The following CFAP74 variants were observed in gnomAD, a reference collection of about 807,000 sequenced individuals.
CFAP74 encodes the protein cilia and flagella associated protein 74, also known as cilia- and flagella-associated protein 74.
Under a neutral mutation model 188.9 loss-of-function variants are expected in CFAP74, and 124 were observed. The observed-to-expected ratio is 0.66, with a 90% CI of 0.57 to 0.76. The LOEUF (loss-of-function observed/expected upper bound fraction) is 0.76, where lower values mean the gene tolerates loss of function less well. Among genes scored for constraint, CFAP74 ranks in the 30% least tolerant of loss-of-function variants. CFAP74 has a pLI of 0.00. For missense variants in CFAP74, 2,198 were observed against 2,165.2 expected (o/e 1.02, Z -0.30); for synonymous variants, 956 against 916.7 (o/e 1.04, Z -0.77).
chr1:1,972,547 CAAT>C (rs1374161758), intron 8 of CFAP74, among the ~76,000 whole-genome samples: 5 of 152,184 alleles, frequency 3.3e-5, no homozygotes, highest in Non-Finnish European at 5.9e-5. Flanking sequence ...GGTGGTGATT[CAAT>C]AATAAAATCA....
intron 22 of CFAP74, 38 bp downstream of exon 22, chr1:1,941,971 TCGGAGCCCACAACCTCCCA>T: frequency 1.4e-6 from 2 of 1,414,176 alleles, no homozygotes; most frequent in Non-Finnish European, 1.8e-6. Context: ...GAGGAGCGCC[TCGGAGCCCACAACCTCCCA>T]CGTCCTCCTG....
At chr1:1,996,610 G>A (rs970770417) in intron 1 of CFAP74, among the ~76,000 whole-genome samples, 2 of 152,124 alleles carry the variant, frequency 1.3e-5, no homozygotes, top group African/African-American at 4.8e-5. Flanking sequence ...TGGACTGGCA[G>A]TAACAGAAAG....
chr1:1,949,117 T>TCC (rs1460103393), intron 18 of CFAP74, among the ~76,000 whole-genome samples: 261 of 116,430 alleles, frequency 2.2e-3, no homozygotes, highest in Non-Finnish European at 3.1e-3. Flanking sequence ...TTCCTTTCCT[T>TCC]TCTTCCCTTC....
At position 1,921,970 on chromosome 1, in the gene CFAP74, A is replaced by C. The variant is rs555440917; in HGVS notation, c.*317T>G. On this transcript the variant is annotated 3_prime_UTR_variant, in exon 39 of 39. Coordinates refer to ENST00000682832, the MANE Select transcript of CFAP74 (RefSeq NM_001304360.2). Reference sequence around the variant, plus strand: ...GCAGGCTGCATGTGTTGGCCTACAAAAAATTTATTGACAGGCTGTGGAGGG... The same window carrying C: ...GCAGGCTGCATGTGTTGGCCTACAACAAATTTATTGACAGGCTGTGGAGGG... 1.9e-3 allele frequency: 639 copies of C among 343,504 alleles called. 15 individuals carry two copies. The South Asian group carries it at 0.022, about 12-fold the overall frequency. 21.3% of individuals were successfully genotyped at this position (343,504 alleles called of 1,614,324 possible). A position where few individuals can be genotyped will look rare whatever the true frequency, so the allele number is the denominator to read the frequency against.
Position 1,966,545 on chromosome 1 carries a change from A to C in CFAP74, c.1246-19T>G, listed in dbSNP as rs368393908. ...CGTAGTCCTGCAGTCGGGGAGAGGA[A>C]CATCGCAAAGACACGCTCATGACAG... On this transcript the variant is annotated intron_variant, in intron 11 of 38. Coordinates refer to ENST00000682832, the MANE Select transcript of CFAP74 (RefSeq NM_001304360.2). The C allele has an allele frequency of 1.3e-6, 2 of 1,512,468 alleles. No individual in the cohort carries two copies. Among genetic ancestry groups the C allele is most frequent in the Non-Finnish European group, 1.8e-6 (2 of 1,125,804 alleles). The allele number at this position is 1,512,468 out of a possible 1,614,324, so 93.7% of individuals were successfully genotyped here.
Position 1,925,828 on chromosome 1 carries a change from G to A in CFAP74, c.4059C>T (p.Asn1353=). Residue 1353 remains asparagine, a synonymous_variant, in exon 33 of 39, where the codon AAC becomes AAT. Coordinates refer to ENST00000682832, the MANE Select transcript of CFAP74 (RefSeq NM_001304360.2). The part of the protein sequence containing the change: ...ITCSIEGSVL[N]MGYVIAGESV... ...ACTCTCCGGCAATCACATAGCCCAT[G>A]TTGAGGACGCTGCCTTCAATGGAGC... 1.2e-6 allele frequency: 2 copies of A among 1,612,740 alleles called. No homozygotes were observed. The highest frequency in any genetic ancestry group is 1.7e-6 in the Non-Finnish European group (2 of 1,179,924).
chr1:1,980,936 T>G (rs1290943643), intron 6 of CFAP74, among the ~76,000 whole-genome samples: 1 of 152,242 alleles, frequency 6.6e-6, no homozygotes, highest in Middle Eastern at 3.4e-3. Context: ...ACGCGCATGG[T>G]GTGGCAGCAG....
rs1657817199 is a variant in CFAP74, at chr1:1,994,663, G to GCGACC, written c.-19-3689_-19-3688insGGTCG. On this transcript the variant is annotated intron_variant, in intron 1 of 38. Coordinates refer to ENST00000682832, the MANE Select transcript of CFAP74 (RefSeq NM_001304360.2). Reference sequence around the variant, plus strand: ...GTGAATTCCATGCGGCCTCCGCGACGTCATTTTGCTGGACACCCCGTGGAT... The same window carrying GCGACC: ...GTGAATTCCATGCGGCCTCCGCGACGCGACCTCATTTTGCTGGACACCCCGTGGAT... Among the ~76,000 whole-genome samples, 7 of 152,166 alleles carry GCGACC rather than the reference G, an allele frequency of 4.6e-5. No individual in the cohort carries two copies. The South Asian group carries it at 1.4e-3, about 31-fold the overall frequency.
intron 1 of CFAP74, among the ~76,000 whole-genome samples, chr1:1,991,882 CAGA>C (rs1657597553): frequency 6.6e-6 from 1 of 151,370 alleles, no homozygotes; most frequent in Non-Finnish European, 1.5e-5. Context: ...TACTAAAAAA[CAGA>C]AAAAATTAGC....
intron 5 of CFAP74, among the ~76,000 whole-genome samples, chr1:1,986,261 C>T (rs1231919537): frequency 1.3e-5 from 2 of 152,212 alleles, no homozygotes; most frequent in Non-Finnish European, 2.9e-5. Flanking sequence ...GTGGCACATG[C>T]CTGTAATCCC....
intron 16 of CFAP74, among the ~76,000 whole-genome samples, chr1:1,958,181 G>C (rs577067076): frequency 1.3e-5 from 2 of 152,358 alleles, no homozygotes; most frequent in East Asian, 3.9e-4. Flanking sequence ...CTTGGGGCCA[G>C]CGTGGCCTGG....
At chr1:1,986,228 C>CA (rs370442832) in intron 5 of CFAP74, among the ~76,000 whole-genome samples, 3,427 of 151,750 alleles carry the variant, frequency 0.023, 141 homozygotes, top group African/African-American at 0.077. Flanking sequence ...ACTAAAAATA[C>CA]AAAAAAAAAT....
In CFAP74 at chr1:1,985,476, C is replaced by A. The variant is rs746426887; in HGVS notation, c.410G>T (p.Arg137Leu). 1 of 1,613,676 alleles carries A rather than the reference C, an allele frequency of 6.2e-7. No individual in the cohort carries two copies. The highest frequency in any genetic ancestry group is 8.5e-7 in the Non-Finnish European group (1 of 1,179,920). ...CAGGCGTCTGGACACGGCCTGGAGG[C>A]GGCCCACAGCGGCCCTGCAGTGGTG... ...EEAGNMAAVG[R>L]LQAVSRRLFA... Residue 137 changes from arginine to leucine, a missense_variant, in exon 6 of 39, where the codon CGC (arginine) becomes CTC (leucine). Coordinates refer to ENST00000682832, the MANE Select transcript of CFAP74 (RefSeq NM_001304360.2).
At chr1:1,954,845 G>A in intron 18 of CFAP74, 1 of 1,148,542 alleles carries the variant, frequency 8.7e-7, no homozygotes, top group Non-Finnish European at 1.1e-6. Context: ...TGTGATGCAG[G>A]CATGAGCCCC....
chr1:1,991,795 T>C (rs1240832668), intron 1 of CFAP74, among the ~76,000 whole-genome samples: 16 of 152,052 alleles, frequency 1.1e-4, no homozygotes, highest in Non-Finnish European at 1.6e-4. Context: ...ATCCCAGCAC[T>C]TTGGGAGGCC....
At chr1:1,926,106 C>G in intron 32 of CFAP74, 122 bp downstream of exon 32, 1 of 1,422,852 alleles carries the variant, frequency 7.0e-7, no homozygotes, top group African/African-American at 1.4e-5. Flanking sequence ...GGCCAGGCTG[C>G]TCGCAGACCC....
intron 4 of CFAP74, 109 bp from the exon 5 acceptor site, chr1:1,987,144 C>G: frequency 1.2e-6 from 1 of 813,128 alleles, no homozygotes; most frequent in Non-Finnish European, 2.0e-6. Flanking sequence ...ACCCCCAGAG[C>G]CCCCCTCACC....
rs3795285 is a variant in CFAP74, at chr1:1,973,471, G to A, written c.675-424C>T. Reference sequence around the variant, plus strand: ...TGGGGGAGGGGATGGAGGCCAGAAGGGGGTCCCGAGGAGAGAGGCTCACGG... The same window carrying A: ...TGGGGGAGGGGATGGAGGCCAGAAGAGGGTCCCGAGGAGAGAGGCTCACGG... On this transcript the variant is annotated intron_variant, in intron 7 of 38. Coordinates refer to ENST00000682832, the MANE Select transcript of CFAP74 (RefSeq NM_001304360.2). This position sits in a 1 kb window ranked among gnomAD's most constrained non-coding sequence, Gnocchi z 6.2. 5.8e-3 allele frequency among the ~76,000 whole-genome samples: 885 copies of A among 152,158 alleles called. 22 individuals are homozygous for A. The East Asian group carries it at 0.086, about 15-fold the overall frequency.
At chr1:1,956,474 A>G in intron 17 of CFAP74, 146 bp downstream of exon 17, 1 of 920,064 alleles carries the variant, frequency 1.1e-6, no homozygotes, top group Admixed American at 2.3e-5. Context: ...TCTTCTGCTT[A>G]GGCTGATTTG....
Sources: allele counts gnomAD v4.1 joint callset (sites outside exome capture counted in the v4.1 genomes callset), GRCh38; gene constraint gnomAD v4.1.1; non-coding constraint Gnocchi (gnomAD v3.1); transcripts MANE v1.5; gene names NCBI Gene and HGNC (gene_info 2026-07-23, HGNC 2026-07-21).